The following TMEM53 variants were observed in gnomAD, a reference collection of about 807,000 sequenced individuals.
TMEM53 encodes the protein novel DUF829 domain-containing protein.
Under a neutral mutation model 21.4 loss-of-function variants are expected in TMEM53, and 14 were observed. That is an observed-to-expected ratio of 0.65 (90% CI 0.43 to 1.02). The LOEUF is 1.02. Ranked by LOEUF, TMEM53 falls within the 50% of genes least tolerant of loss-of-function variation. The probability of loss-of-function intolerance (pLI) is 0.00; values close to 1 mark genes in which losing one functional copy is unlikely to be tolerated. For missense variants in TMEM53, 323 were observed against 383.6 expected (o/e 0.84, Z 1.32); for synonymous variants, 148 against 157.4 (o/e 0.94, Z 0.45).
At chr1:44,673,817 T>C (rs1645044336) in intron 1 of TMEM53, 2 of 981,474 alleles carry the variant, frequency 2.0e-6, no homozygotes, top group African/African-American at 1.7e-5. Context: ...AGTCGAGTTC[T>C]ACCCGACGGC....
At chr1:44,661,000 T>G (rs974025272) in intron 1 of TMEM53, among the ~76,000 whole-genome samples, 1 of 151,890 alleles carries the variant, frequency 6.6e-6, no homozygotes, top group Non-Finnish European at 1.5e-5. Flanking sequence ...CAAAAGAATA[T>G]TTTGTGACAC....
chr1:44,673,892 G>C, intron 1 of TMEM53: 1 of 985,398 alleles, frequency 1.0e-6, no homozygotes, highest in African/African-American at 1.7e-5. Flanking sequence ...TCTGAGTCCC[G>C]GGCTTCTGCG....
At chr1:44,674,235 GC>G in intron 1 of TMEM53, 95 bp downstream of exon 1, 1 of 1,495,044 alleles carries the variant, frequency 6.7e-7, no homozygotes, top group South Asian at 1.3e-5. Flanking sequence ...CCGAGGGAGG[GC>G]GGGGCCGCAT....
At chr1:44,662,239 T>TCC in intron 1 of TMEM53, among the ~76,000 whole-genome samples, 1 of 152,142 alleles carries the variant, frequency 6.6e-6, no homozygotes, top group African/African-American at 2.4e-5. Flanking sequence ...CCGGTGGGGG[T>TCC]CCCAGGCCTG....
At chr1:44,659,220 G>A (rs1354281919) in intron 2 of TMEM53, among the ~76,000 whole-genome samples, 5 of 152,222 alleles carry the variant, frequency 3.3e-5, no homozygotes, top group Non-Finnish European at 5.9e-5. Context: ...GTGGACGTGG[G>A]TGAGTGGAGG....
chr1:44,671,265 G>A lies in TMEM53; in HGVS notation c.61+3066C>T, dbSNP rs559330758. Among the ~76,000 whole-genome samples, 5 of 152,334 alleles carry A rather than the reference G, an allele frequency of 3.3e-5. No individual in the cohort carries two copies. The East Asian group carries it at 5.8e-4, about 18-fold the overall frequency. ...GCAAAGGCCTGGGCAGACGACCATC[G>A]GTGTGGGCAGCCAATAGGTACTGGC... is the stretch of plus-strand genomic sequence containing the variant. On this transcript the variant is annotated intron_variant, in intron 1 of 2. Coordinates refer to ENST00000372237, the MANE Select transcript of TMEM53 (RefSeq NM_024587.4).
intron 1 of TMEM53, among the ~76,000 whole-genome samples, chr1:44,661,145 T>C (rs1644898515): frequency 6.6e-6 from 1 of 152,120 alleles, no homozygotes; most frequent in Admixed American, 6.6e-5. Flanking sequence ...TACAACAAGA[T>C]CGAGCGACTC....
intron 1 of TMEM53, chr1:44,673,836 C>T (rs1645045156): frequency 1.0e-6 from 1 of 984,904 alleles, no homozygotes; most frequent in Non-Finnish European, 1.2e-6. Context: ...GCAGAGACTG[C>T]ACTGTTAACC....
rs1644836801 is a variant in TMEM53 at position 44,655,069 on chromosome 1, G to C, written c.324C>G (p.Leu108=). 1 of 1,614,248 alleles carries C rather than the reference G, an allele frequency of 6.2e-7. No individual in the cohort carries two copies. The highest frequency in any genetic ancestry group is 8.5e-7 in the Non-Finnish European group (1 of 1,180,042). Residue 108 remains leucine, a synonymous_variant, in exon 3 of 3, where the codon CTC becomes CTG. Transcript: ENST00000372237. The surrounding 1 kb of genome is among the most constrained non-coding windows in gnomAD (Gnocchi z 4.4). ...CGCCACCGTTGCTGAAGACATGGAA[G>C]AGCAGGGGCTCCTTCTCAATCTCAT... The part of the protein sequence containing the change: ...FDYEIEKEPL[L]FHVFSNGGVM...
At chr1:44,657,346 T>C (rs546563425) in intron 2 of TMEM53, among the ~76,000 whole-genome samples, 2 of 152,240 alleles carry the variant, frequency 1.3e-5, no homozygotes, top group East Asian at 3.9e-4. Flanking sequence ...AATCTGAATA[T>C]GGACTGGAAA....
intron 1 of TMEM53, among the ~76,000 whole-genome samples, chr1:44,662,162 T>C (rs886365472): frequency 1.6e-4 from 24 of 152,334 alleles, no homozygotes; most frequent in African/African-American, 5.5e-4. Flanking sequence ...ATTAATGTGA[T>C]TGAAAAGTTC....
chr1:44,667,492 G>A (rs569117133), intron 1 of TMEM53, among the ~76,000 whole-genome samples: 12 of 151,670 alleles, frequency 7.9e-5, no homozygotes, highest in Non-Finnish European at 1.2e-4. Context: ...GGTTTCAGTA[G>A]AAACGGGGTT....
intron 1 of TMEM53, among the ~76,000 whole-genome samples, chr1:44,673,398 A>G (rs892606374): frequency 2.0e-5 from 3 of 152,202 alleles, no homozygotes; most frequent in South Asian, 2.1e-4. Context: ...AGGCAGTGAG[A>G]CAGGAGGCGT....
At chr1:44,663,871 A>G (rs549338781) in intron 1 of TMEM53, among the ~76,000 whole-genome samples, 1 of 152,226 alleles carries the variant, frequency 6.6e-6, no homozygotes, top group African/African-American at 2.4e-5. Context: ...AGCATTTTAC[A>G]TATCAACTCA....
intron 1 of TMEM53, among the ~76,000 whole-genome samples, chr1:44,673,295 C>T (rs1182753783): frequency 6.6e-6 from 1 of 152,150 alleles, no homozygotes. Flanking sequence ...GAAGGCTCTC[C>T]TTAAGGAGGT....
At chr1:44,672,517 T>C (rs1395888943) in intron 1 of TMEM53, among the ~76,000 whole-genome samples, 2 of 152,202 alleles carry the variant, frequency 1.3e-5, no homozygotes. Flanking sequence ...GGAAGGCCTA[T>C]TGTGGCTCAA....
Position 44,654,761 on chromosome 1 carries a change from G to A in TMEM53, c.632C>T (p.Pro211Leu). The change falls in exon 3 of 3, where the codon CCC (proline) becomes CTC (leucine). Residue 211 changes from proline (P) to leucine (L), a missense_variant. By Grantham distance (98) the Pro-to-Leu change is moderately conservative. Coordinates refer to ENST00000372237, the MANE Select transcript of TMEM53 (RefSeq NM_024587.4). This position sits in a 1 kb window ranked among gnomAD's most constrained non-coding sequence, Gnocchi z 7.0. ...DRLQDAGSRW[P>L]ELYLYSRADE... ...AGCCCTCGAGTAGAGGTAGAGCTCG[G>A]GCCAGCGAGAGCCCGCGTCCTGTAG... 6.2e-7 allele frequency: 1 copy of A among 1,614,076 alleles called. No individual in the cohort carries two copies. The highest frequency in any genetic ancestry group is 8.5e-7 in the Non-Finnish European group (1 of 1,180,034).
chr1:44,673,288 G>A (rs1338437425), intron 1 of TMEM53, among the ~76,000 whole-genome samples: 1 of 152,190 alleles, frequency 6.6e-6, no homozygotes, highest in African/African-American at 2.4e-5. Flanking sequence ...GATCTGGGAA[G>A]GCTCTCCTTA....
intron 1 of TMEM53, among the ~76,000 whole-genome samples, chr1:44,664,312 G>T (rs562961919): frequency 1.3e-5 from 2 of 151,800 alleles, no homozygotes; most frequent in Non-Finnish European, 2.9e-5. Flanking sequence ...TCAGCCGGAC[G>T]TGGTGGCACA....
Sources: allele counts gnomAD v4.1 joint callset (sites outside exome capture counted in the v4.1 genomes callset), GRCh38; gene constraint gnomAD v4.1.1; non-coding constraint Gnocchi (gnomAD v3.1); transcripts MANE v1.5; gene names NCBI Gene and HGNC (gene_info 2026-07-23, HGNC 2026-07-21).